Variants in EXT1 observed in about 807,000 individuals in gnomAD.
The protein encoded by EXT1 is exostosin-1.
EXT1 carries 20 observed loss-of-function variants against 82.5 expected under a neutral mutation model. The ratio of observed to expected loss-of-function variants is 0.24; its 90% CI spans 0.17 to 0.35. The LOEUF (loss-of-function observed/expected upper bound fraction) is 0.35. EXT1 is among the 10% of genes least tolerant of loss of function. The pLI is 1.00. For synonymous variants in EXT1, 348 were observed against 350.8 expected (o/e 0.99, Z 0.09); for missense variants, 757 against 936.5 (o/e 0.81, Z 2.50).
At chr8:118,106,196 T>C (rs1189376005) in intron 1 of EXT1, among the ~76,000 whole-genome samples, 1 of 152,208 alleles carries the variant, frequency 6.6e-6, no homozygotes, top group African/African-American at 2.4e-5. Flanking sequence ...TTGCAAAGGT[T>C]GTCCTCCAAG....
At chr8:117,936,335 C>A (rs1036344362) in intron 1 of EXT1, among the ~76,000 whole-genome samples, 1 of 152,234 alleles carries the variant, frequency 6.6e-6, no homozygotes, top group Non-Finnish European at 1.5e-5. Flanking sequence ...CCATCCTATG[C>A]ACTTTGTGAG....
At chr8:117,873,436 T>C (rs1164699900) in intron 1 of EXT1, among the ~76,000 whole-genome samples, 1 of 151,018 alleles carries the variant, frequency 6.6e-6, no homozygotes, top group Admixed American at 6.6e-5. Flanking sequence ...AAGACCAATG[T>C]TGTCCTGTGA....
chr8:117,858,569 C>G (rs1812607938), intron 1 of EXT1, among the ~76,000 whole-genome samples: 1 of 151,356 alleles, frequency 6.6e-6, no homozygotes, highest in Admixed American at 6.6e-5. Flanking sequence ...TTCCAGCTAC[C>G]TTGGAGGCTG....
chr8:117,929,571 G>C (rs769447529), intron 1 of EXT1, among the ~76,000 whole-genome samples: 11 of 152,148 alleles, frequency 7.2e-5, no homozygotes, highest in Non-Finnish European at 1.6e-4. Flanking sequence ...CAAAACCAAA[G>C]AATCATAAGC....
chr8:118,111,228 T>C lies in EXT1; in HGVS notation c.-182A>G. 1.2e-6 allele frequency: 1 copy of C among 847,942 alleles called. No individual in the cohort carries two copies. The highest frequency in any genetic ancestry group is 1.9e-6 in the Non-Finnish European group (1 of 535,026). The allele number at this position is 847,942 out of a possible 1,614,324, so 52.5% of individuals were successfully genotyped here. On this transcript the variant is annotated 5_prime_UTR_variant, in exon 1 of 11. Coordinates refer to ENST00000378204, the MANE Select transcript of EXT1 (RefSeq NM_000127.3). Reference sequence around the variant, plus strand: ...TGATCCAGCGCATGTGGGCGATTTCTTTAACTTTCTCCCCTTCGGTCTTTC... The same window carrying C: ...TGATCCAGCGCATGTGGGCGATTTCCTTAACTTTCTCCCCTTCGGTCTTTC...
At chr8:118,033,337 CTG>C (rs1174309536) in intron 1 of EXT1, among the ~76,000 whole-genome samples, 5 of 152,194 alleles carry the variant, frequency 3.3e-5, no homozygotes, top group Admixed American at 2.6e-4. Flanking sequence ...GCTCAGGTCT[CTG>C]TGTCCAGAAC....
chr8:117,857,049 G>A (rs1008764812), intron 1 of EXT1, among the ~76,000 whole-genome samples: 1 of 152,126 alleles, frequency 6.6e-6, no homozygotes, highest in Non-Finnish European at 1.5e-5. Flanking sequence ...GAACAATAAA[G>A]CCTAGATGAC....
rs17504890 is a variant in EXT1, at chr8:117,961,328, T to C, written c.963-124127A>G. ...ACCCAGATTCCAATCATTTCTTGAT[T>C]TGGAAGCAGATATGAGGAAGAAGCA... On this transcript the variant is annotated intron_variant, in intron 1 of 10. Transcript: ENST00000378204. Among the ~76,000 whole-genome samples, 1,061 of 152,300 alleles carry C rather than the reference T, an allele frequency of 7.0e-3. 15 individuals carry two copies. Among genetic ancestry groups the C allele is most frequent in the African/African-American group, 0.024 (1,001 of 41,568 alleles).
At chr8:117,908,053 CA>C (rs1813575126) in intron 1 of EXT1, among the ~76,000 whole-genome samples, 2 of 152,304 alleles carry the variant, frequency 1.3e-5, no homozygotes, top group Non-Finnish European at 2.9e-5. Context: ...TTTAAAGAAA[CA>C]GCTTTCTGGC....
chr8:118,095,532 G>A (rs202073673), intron 1 of EXT1, among the ~76,000 whole-genome samples: 3 of 152,240 alleles, frequency 2.0e-5, no homozygotes, highest in East Asian at 3.9e-4. Flanking sequence ...TTTCAATGCA[G>A]GTGTGAATTT....
At chr8:118,026,497 G>A (rs917380153) in intron 1 of EXT1, among the ~76,000 whole-genome samples, 2 of 151,748 alleles carry the variant, frequency 1.3e-5, no homozygotes, top group Non-Finnish European at 2.9e-5. Context: ...TTCCTAAAAG[G>A]GCAACACAAA....
At chr8:117,969,715 G>GCATGCA (rs943471463) in intron 1 of EXT1, among the ~76,000 whole-genome samples, 30 of 152,164 alleles carry the variant, frequency 2.0e-4, no homozygotes, top group African/African-American at 6.5e-4. Flanking sequence ...GCGTGTATGT[G>GCATGCA]CATGCACATG....
intron 1 of EXT1, among the ~76,000 whole-genome samples, chr8:118,008,017 C>T (rs1044027853): frequency 5.3e-5 from 8 of 152,094 alleles, no homozygotes; most frequent in African/African-American, 9.7e-5. Flanking sequence ...CTAGTCATGA[C>T]GACCAAAACA....
intron 1 of EXT1, among the ~76,000 whole-genome samples, chr8:117,994,217 GTCA>G (rs1323318208): frequency 6.6e-6 from 1 of 152,054 alleles, no homozygotes; most frequent in African/African-American, 2.4e-5. Context: ...TTTAGAATAC[GTCA>G]TCATCATAAG....
chr8:117,945,116 C>T (rs1396213164), intron 1 of EXT1, among the ~76,000 whole-genome samples: 9 of 152,122 alleles, frequency 5.9e-5, no homozygotes, highest in Admixed American at 5.9e-4. Flanking sequence ...GAGCCAAGAT[C>T]GCGCCACTGC....
At chr8:117,927,869 C>T (rs555074601) in intron 1 of EXT1, among the ~76,000 whole-genome samples, 7 of 152,164 alleles carry the variant, frequency 4.6e-5, no homozygotes, top group Non-Finnish European at 1.0e-4. Flanking sequence ...GTGCTAGATC[C>T]TGTAAATTGG....
intron 1 of EXT1, among the ~76,000 whole-genome samples, chr8:118,026,584 T>C (rs1563633151): frequency 6.6e-6 from 1 of 151,040 alleles, no homozygotes; most frequent in Non-Finnish European, 1.5e-5. Context: ...GCTAAGCCTC[T>C]GGAGAAAAAA....
At chr8:117,845,031 G>A (rs1410136947) in intron 1 of EXT1, among the ~76,000 whole-genome samples, 2 of 152,210 alleles carry the variant, frequency 1.3e-5, no homozygotes, top group South Asian at 2.1e-4. Context: ...AGAGCAGTGC[G>A]TGGCTAAAAC....
In EXT1 at chr8:117,862,354, G is replaced by A. The variant is rs1282038738; in HGVS notation, c.963-25153C>T. 6.9e-5 allele frequency among the ~76,000 whole-genome samples: 10 copies of A among 145,954 alleles called. 2 individuals are homozygous for A. Among genetic ancestry groups the A allele is most frequent in the Non-Finnish European group, 1.5e-4 (10 of 64,934 alleles). ...AGAGTTACAGAGATAGCCAAATGCA[G>A]AAGGTGAGGCTGCACCTCATCTCTA... On this transcript the variant is annotated intron_variant, in intron 1 of 10. Transcript: ENST00000378204.
Sources: allele counts gnomAD v4.1 joint callset (sites outside exome capture counted in the v4.1 genomes callset), GRCh38; gene constraint gnomAD v4.1.1; transcripts MANE v1.5; gene names NCBI Gene and HGNC (gene_info 2026-07-23, HGNC 2026-07-21).